Variants in EFTUD2 observed in about 807,000 individuals in gnomAD.
EFTUD2 encodes elongation factor Tu GTP binding domain containing 2.
A neutral mutation model predicts 114.3 loss-of-function variants in EFTUD2; 9 were observed. The ratio of observed to expected loss-of-function variants is 0.08; its 90% CI spans 0.05 to 0.14. EFTUD2 has a LOEUF of 0.14. Among genes scored for constraint, EFTUD2 ranks in the 10% least tolerant of loss-of-function variants. The pLI is 1.00. For synonymous variants in EFTUD2, 449 were observed against 462.3 expected (o/e 0.97, Z 0.37); for missense variants, 765 against 1,241.2 (o/e 0.62, Z 5.76).
Position 44,855,725 on chromosome 17 carries a change from C to A in EFTUD2, c.2046-721G>T, listed in dbSNP as rs1034666989. On this transcript the variant is annotated intron_variant, in intron 20 of 27. Transcript: ENST00000426333. ...CAACACTTTGGGAGGCTGAGGCAGG[C>A]AGATCATGAGATCAGGAGTTCGAGA... Among the ~76,000 whole-genome samples, 5 of 151,918 alleles carry A rather than the reference C, an allele frequency of 3.3e-5. No individual in the cohort carries two copies. The East Asian group carries it at 9.7e-4, about 29-fold the overall frequency.
intron 13 of EFTUD2, among the ~76,000 whole-genome samples, chr17:44,867,264 G>C (rs2050762788): frequency 6.6e-6 from 1 of 150,628 alleles, no homozygotes. Flanking sequence ...TCTAGGAGAA[G>C]TCTTTTCTTT....
chr17:44,854,120 G>A lies in EFTUD2; in HGVS notation c.2347+149C>T, dbSNP rs182111898. The A allele has an allele frequency of 7.2e-3, 10,289 of 1,427,382 alleles. 39 individuals carry two copies. The highest frequency in any genetic ancestry group is 8.2e-3 in the Non-Finnish European group (8,861 of 1,077,992). The allele number at this position is 1,427,382 out of a possible 1,614,324, so 88.4% of individuals were successfully genotyped here. A position where few individuals can be genotyped will look rare whatever the true frequency, so the allele number is the denominator to read the frequency against. ...ACACCACCAGGATAAGGAAGGAAAAGGGAAGAAGCTGGCCCAGGACTTGGG... is the reference window on the plus strand; with the variant it reads ...ACACCACCAGGATAAGGAAGGAAAAAGGAAGAAGCTGGCCCAGGACTTGGG... On this transcript the variant is annotated intron_variant, in intron 23 of 27. Transcript: ENST00000426333. The surrounding 1 kb of genome is among the most constrained non-coding windows in gnomAD (Gnocchi z 4.3).
chr17:44,879,025 G>C (rs1028837838), intron 9 of EFTUD2, among the ~76,000 whole-genome samples: 5 of 152,126 alleles, frequency 3.3e-5, no homozygotes, highest in African/African-American at 1.2e-4. Flanking sequence ...TTTCTGAATA[G>C]CAATGAGTCT....
rs759001277 is a variant in EFTUD2, at chr17:44,886,559, G to A, written c.271+26C>T. ...AGTTTCCAGGTTTCAATTTCACTCC[G>A]CACAGCCCATGTCCTCCTGATGTAC... On this transcript the variant is annotated intron_variant, in intron 3 of 27. Transcript: ENST00000426333. The A allele has an allele frequency of 1.4e-5, 22 of 1,611,860 alleles. 1 individual carries two copies. The South Asian group carries it at 1.8e-4, about 13-fold the overall frequency.
intron 1 of EFTUD2, among the ~76,000 whole-genome samples, chr17:44,896,395 C>A (rs555950690): frequency 2.0e-5 from 3 of 152,326 alleles, no homozygotes; most frequent in Middle Eastern, 3.4e-3. Context: ...TGCCTGTAAT[C>A]CCAGCACTTT....
At position 44,886,643 on chromosome 17, in the gene EFTUD2, C is replaced by T. The variant is rs754323601; in HGVS notation, c.213G>A (p.Glu71=). The T allele has an allele frequency of 4.3e-6, 7 of 1,614,174 alleles. No homozygotes were observed. The highest frequency in any genetic ancestry group is 1.7e-5 in the Admixed American group (1 of 60,024). The part of the protein sequence containing the change: ...EDKKYYPTAE[E]VYGPEVETIV... ...TGGTCTCCACCTCAGGACCATACACCTCCTCGGCTGTTGGGTAGTACTTCT... is the reference window on the plus strand; with the variant it reads ...TGGTCTCCACCTCAGGACCATACACTTCCTCGGCTGTTGGGTAGTACTTCT... Residue 71 remains glutamate, a synonymous_variant, in exon 3 of 28, where the codon GAG becomes GAA. Transcript: ENST00000426333.
Position 44,850,001 on chromosome 17 carries a change from G to A in EFTUD2, c.*1273C>T, listed in dbSNP as rs989857343. 3.1e-5 allele frequency: 8 copies of A among 256,000 alleles called. No homozygotes were observed. The Admixed American group carries it at 3.3e-4, about 10-fold the overall frequency. 15.9% of individuals were successfully genotyped at this position (256,000 alleles called of 1,614,324 possible). A position where few individuals can be genotyped will look rare whatever the true frequency, so the allele number is the denominator to read the frequency against. Reference sequence around the variant, plus strand: ...AAGCAGACAGCCACTTGCTAACTGTGTGACAGTGGACAAATCTTTCTCACT... The same window carrying A: ...AAGCAGACAGCCACTTGCTAACTGTATGACAGTGGACAAATCTTTCTCACT... On this transcript the variant is annotated 3_prime_UTR_variant, in exon 28 of 28. Coordinates refer to ENST00000426333, the MANE Select transcript of EFTUD2 (RefSeq NM_004247.4).
intron 25 of EFTUD2, 84 bp from the exon 26 acceptor site, chr17:44,852,646 A>C: frequency 2.7e-6 from 4 of 1,504,882 alleles, no homozygotes; most frequent in South Asian, 1.2e-5. Context: ...TGTCCCCCAA[A>C]TGCATTCCAG....
At chr17:44,866,535 C>T (rs772339073) in intron 13 of EFTUD2, among the ~76,000 whole-genome samples, 4 of 152,112 alleles carry the variant, frequency 2.6e-5, no homozygotes, top group African/African-American at 2.4e-5. Context: ...TGAGCCACCA[C>T]GCCTGGCTAA....
In EFTUD2 at chr17:44,875,862, G is replaced by C. The variant is rs541732161; in HGVS notation, c.869+72C>G. The stretch of plus-strand genomic sequence containing the variant: ...ACACGCTTAGAAATAAATCACAGTT[G>C]TTCCCAGAGGTATTCAGGGTTAAAA... On this transcript the variant is annotated intron_variant, in intron 10 of 27. Transcript: ENST00000426333. 5.2e-5 allele frequency: 80 copies of C among 1,540,092 alleles called. 1 individual carries two copies. The South Asian group carries it at 9.0e-4, about 17-fold the overall frequency.
rs2289677 is a variant in EFTUD2 at position 44,883,641 on chromosome 17, C to G, written c.426+8G>C. 6.2e-7 allele frequency: 1 copy of G among 1,612,784 alleles called. No individual in the cohort carries two copies. Among genetic ancestry groups the G allele is most frequent in the Non-Finnish European group, 8.5e-7 (1 of 1,178,912 alleles). ...TCCTGTTCCAAGTAGCTGAAAGTTC[C>G]GTCTTACCTTGCCATGGTGGAGATG... On this transcript the variant is annotated splice_region_variant and intron_variant, in intron 5 of 27. Coordinates refer to ENST00000426333, the MANE Select transcript of EFTUD2 (RefSeq NM_004247.4).
At chr17:44,867,932 G>A (rs1482912039) in intron 12 of EFTUD2, 35 bp from the exon 13 acceptor site, 8 of 1,529,442 alleles carry the variant, frequency 5.2e-6, no homozygotes, top group East Asian at 2.4e-5. Flanking sequence ...TGACCCAGGG[G>A]AAAAGGCACT....
chr17:44,865,539 A>T (rs1404637033), intron 13 of EFTUD2, among the ~76,000 whole-genome samples: 1 of 151,896 alleles, frequency 6.6e-6, no homozygotes, highest in East Asian at 1.9e-4. Context: ...GGCTCTATAA[A>T]TTTTTTTTAT....
At chr17:44,851,502 C>A in intron 27 of EFTUD2, 133 bp from the exon 28 acceptor site, 1 of 889,428 alleles carries the variant, frequency 1.1e-6, no homozygotes, top group Non-Finnish European at 1.8e-6. Context: ...AGGAGCCCTG[C>A]CTTTAGGGTA....
rs919045603 is a variant in EFTUD2, at chr17:44,881,992, C to T, written c.493-270G>A. 16 of 432,740 alleles carry T rather than the reference C, an allele frequency of 3.7e-5. No homozygotes were observed. The East Asian group carries it at 4.8e-4, about 13-fold the overall frequency. The allele number at this position is 432,740 out of a possible 1,614,324, so 26.8% of individuals were successfully genotyped here. ...TGTAGCCCAGGCTGGAGTGCAATGG[C>T]GCGATCTCAGCTTACTGCAACCTCC... On this transcript the variant is annotated intron_variant, in intron 6 of 27. Transcript: ENST00000426333.
intron 18 of EFTUD2, 43 bp downstream of exon 18, chr17:44,859,862 G>A: frequency 6.2e-7 from 1 of 1,612,748 alleles, no homozygotes; most frequent in Non-Finnish European, 8.5e-7. Context: ...CCATTCAGCT[G>A]GGGATAGTGG....
Position 44,853,520 on chromosome 17 carries a change from G to A in EFTUD2, c.2463C>T (p.Leu821=). 1 of 1,614,194 alleles carries A rather than the reference G, an allele frequency of 6.2e-7. No homozygotes were observed. The highest frequency in any genetic ancestry group is 8.5e-7 in the Non-Finnish European group (1 of 1,180,012). The change falls in exon 24 of 28, where the codon CTC becomes CTT. Residue 821 remains leucine (L), a synonymous_variant. Transcript: ENST00000426333. ...TARRVVYSAF[L]MATPRLMEPY... is the part of the protein sequence containing the mutation. ...CCCTACCGCCCCATTCTCTTACCAT[G>A]AGGAAGGCAGAGTAGACGACTCTCC...
rs533644334 is a variant in EFTUD2 at position 44,851,829 on chromosome 17, A to G, written c.2716-12T>C. On this transcript the variant is annotated splice_polypyrimidine_tract_variant and intron_variant, in intron 26 of 27. Transcript: ENST00000426333. ...TCACCAGGCACAATCTAAAAGGCAA[A>G]GGAATTTCAGATGGCCCAGGCAGAA... The G allele has an allele frequency of 1.9e-6, 3 of 1,600,998 alleles. No homozygotes were observed. Among genetic ancestry groups the G allele is most frequent in the Non-Finnish European group, 1.7e-6 (2 of 1,173,510 alleles).
Position 44,859,204 on chromosome 17 carries a change from A to C in EFTUD2, c.1861-23T>G, listed in dbSNP as rs753935067. The C allele has an allele frequency of 9.7e-6, 15 of 1,548,078 alleles. No individual in the cohort carries two copies. In the South Asian group the frequency reaches 1.2e-4, roughly 13 times the overall value. On this transcript the variant is annotated intron_variant, in intron 18 of 27. Transcript: ENST00000426333. ...CACCTGAAACACAACAGGCAGTCAC[A>C]GCCTGGATTCTCTTATGCCAGCAAA... is the stretch of plus-strand genomic sequence containing the variant.
Sources: allele counts gnomAD v4.1 joint callset (sites outside exome capture counted in the v4.1 genomes callset), GRCh38; gene constraint gnomAD v4.1.1; non-coding constraint Gnocchi (gnomAD v3.1); transcripts MANE v1.5; gene names NCBI Gene and HGNC (gene_info 2026-07-23, HGNC 2026-07-21).